MAP3K1: variants seen among roughly 807,000 people sequenced by gnomAD.
MAP3K1 encodes mitogen-activated protein kinase kinase kinase 1.
Under a neutral mutation model 144.2 loss-of-function variants are expected in MAP3K1, and 36 were observed. The observed-to-expected ratio is 0.25, with a 90% CI of 0.19 to 0.33. The LOEUF is 0.33. Ranked by LOEUF, MAP3K1 falls within the 10% of genes least tolerant of loss-of-function variation. MAP3K1 has a pLI of 1.00. For synonymous variants in MAP3K1, 718 were observed against 688.7 expected, an observed-to-expected ratio of 1.04 and a Z score of -0.67; for missense variants, 1,650 against 1,881.9, an observed-to-expected ratio of 0.88 and a Z score of 2.28.
intron 1 of MAP3K1, among the ~76,000 whole-genome samples, chr5:56,848,154 CTAG>C (rs1193377992): frequency 6.6e-6 from 1 of 151,548 alleles, no homozygotes; most frequent in Non-Finnish European, 1.5e-5. Context: ...TTGATACTGA[CTAG>C]TAGCTCTCTG....
chr5:56,843,983 A>G (rs1316954511), intron 1 of MAP3K1, among the ~76,000 whole-genome samples: 6 of 152,132 alleles, frequency 3.9e-5, no homozygotes. Flanking sequence ...GATGCTCTGC[A>G]TAAAAGGACT....
At position 56,815,680 on chromosome 5, in the gene MAP3K1, C is replaced by A. The variant is rs927520159; in HGVS notation, c.107C>A (p.Ala36Glu). The A allele has an allele frequency of 3.1e-6, 4 of 1,303,312 alleles. No individual in the cohort carries two copies. In the African/African-American group the frequency reaches 6.2e-5, roughly 20 times the overall value. 80.7% of individuals were successfully genotyped at this position (1,303,312 alleles called of 1,614,324 possible). The change falls in exon 1 of 20, where the codon GCG (alanine) becomes GAG (glutamate). Residue 36 changes from alanine to glutamate, a missense_variant. Around this residue, in one of 6 missense-constraint regions of MAP3K1, gnomAD observed 360 missense variants for 274.7 expected, o/e 1.31. Transcript: ENST00000399503. ...GGGGALKASS[A>E]PAAAAGLLRE... ...GGAGGAGCCCTCAAGGCGAGCAGCG[C>A]GCCCGCGGCTGCCGCGGGACTGCTG... is the stretch of plus-strand genomic sequence containing the variant.
At chr5:56,837,430 A>G (rs1306848959) in intron 1 of MAP3K1, among the ~76,000 whole-genome samples, 1 of 152,022 alleles carries the variant, frequency 6.6e-6, no homozygotes. Context: ...ATTTTTCCCA[A>G]GAGTGGTGTG....
In MAP3K1 at chr5:56,893,993, T is replaced by A. The variant is rs896846419; in HGVS notation, c.*313T>A. ...AATTTTATTTTTTTGGAGCACTTTTTCAGCAATATTAGCGGCTGAGGGGCT... is the reference window on the plus strand; with the variant it reads ...AATTTTATTTTTTTGGAGCACTTTTACAGCAATATTAGCGGCTGAGGGGCT... On this transcript the variant is annotated 3_prime_UTR_variant, in exon 20 of 20. Transcript: ENST00000399503. The A allele has an allele frequency of 7.0e-6, 3 of 427,694 alleles. No homozygotes were observed. Among genetic ancestry groups the A allele is most frequent in the Non-Finnish European group, 1.3e-5 (3 of 230,832 alleles). 26.5% of individuals were successfully genotyped at this position (427,694 alleles called of 1,614,324 possible).
chr5:56,881,957 A>G lies in MAP3K1; in HGVS notation c.2757A>G (p.Lys919=), dbSNP rs200375119. Residue 919 remains lysine (K), a synonymous_variant, in exon 14 of 20, where the codon AAA becomes AAG. Transcript: ENST00000399503. Reference sequence around the variant, plus strand: ...CTGGAAAAGGATTATGTGCTACAAAATTGAGTGCCAGTTCAGAGGACATTT... The same window carrying G: ...CTGGAAAAGGATTATGTGCTACAAAGTTGAGTGCCAGTTCAGAGGACATTT... ...EKTGKGLCAT[K]LSASSEDISE... 122 of 1,614,004 alleles carry G rather than the reference A, an allele frequency of 7.6e-5. No homozygotes were observed. The highest frequency in any genetic ancestry group is 1.6e-4 in the Middle Eastern group (1 of 6,084).
chr5:56,892,275 T>C (rs2111972966), intron 19 of MAP3K1, among the ~76,000 whole-genome samples: 1 of 152,336 alleles, frequency 6.6e-6, no homozygotes, highest in East Asian at 1.9e-4. Flanking sequence ...CCTAGGTATT[T>C]TATTCTCTTT....
chr5:56,861,043 GAA>G (rs1747492872), intron 3 of MAP3K1, among the ~76,000 whole-genome samples: 1 of 152,146 alleles, frequency 6.6e-6, no homozygotes, highest in Non-Finnish European at 1.5e-5. Flanking sequence ...GCTGTATAAT[GAA>G]ATATGTGAAC....
intron 1 of MAP3K1, among the ~76,000 whole-genome samples, chr5:56,841,378 A>G (rs1311023958): frequency 6.6e-6 from 1 of 152,164 alleles, no homozygotes; most frequent in Admixed American, 6.5e-5. Context: ...AATTGCTATG[A>G]TAGTGAATAT....
chr5:56,859,691 A>G (rs1330993210), intron 2 of MAP3K1, 24 bp from the exon 3 acceptor site: 1 of 1,565,482 alleles, frequency 6.4e-7, no homozygotes, highest in Admixed American at 1.7e-5. Context: ...TAAGTAATCA[A>G]AATATTGGAA....
Position 56,849,051 on chromosome 5 carries a change from A to G in MAP3K1, c.483-7549A>G, listed in dbSNP as rs188879952. On this transcript the variant is annotated intron_variant, in intron 1 of 19. Transcript: ENST00000399503. ...ATTTCTGATACAGATTCAACATACT[A>G]TAAAACTGATTTCAACCGGGTGCAG... Among the ~76,000 whole-genome samples the G allele has an allele frequency of 1.6e-3, 242 of 152,304 alleles. 1 individual carries two copies. The highest frequency in any genetic ancestry group is 3.0e-3 in the Non-Finnish European group (205 of 68,022).
chr5:56,889,112 A>T (rs1008013534), intron 19 of MAP3K1, among the ~76,000 whole-genome samples: 3 of 152,194 alleles, frequency 2.0e-5, no homozygotes, highest in African/African-American at 7.2e-5. Context: ...AAATTCATGC[A>T]TTTTACATAA....
At chr5:56,885,880 A>G (rs752683042) in intron 16 of MAP3K1, 52 bp from the exon 17 acceptor site, 90 of 1,547,192 alleles carry the variant, frequency 5.8e-5, no homozygotes, top group Non-Finnish European at 7.9e-5. Context: ...AGTGTAATAA[A>G]TACTTTTAAT....
At chr5:56,853,113 A>G (rs1747226830) in intron 1 of MAP3K1, among the ~76,000 whole-genome samples, 1 of 152,322 alleles carries the variant, frequency 6.6e-6, no homozygotes, top group East Asian at 1.9e-4. Flanking sequence ...CATTGATTCA[A>G]AGATCCCAGT....
At chr5:56,869,565 T>C (rs959704646) in intron 6 of MAP3K1, among the ~76,000 whole-genome samples, 1 of 152,198 alleles carries the variant, frequency 6.6e-6, no homozygotes, top group Non-Finnish European at 1.5e-5. Flanking sequence ...ATAGTGCATA[T>C]ATATACATAA....
rs766026413 is a variant in MAP3K1 at position 56,865,345 on chromosome 5, C to T, written c.1041C>T (p.Cys347=). 55 of 1,589,498 alleles carry T rather than the reference C, an allele frequency of 3.5e-5. No individual in the cohort carries two copies. Among genetic ancestry groups the T allele is most frequent in the Non-Finnish European group, 4.7e-5 (55 of 1,158,030 alleles). ...KYRVFIGPQN[C]SCARGTFCIH... The stretch of plus-strand genomic sequence containing the variant: ...TTTTCTTTTTAACTCTTTAGAACTG[C>T]AGCTGTGCACGTGGAACATTCTGTA... The change falls in exon 5 of 20, where the codon TGC becomes TGT. Residue 347 remains cysteine, a synonymous_variant. Transcript: ENST00000399503.
intron 19 of MAP3K1, among the ~76,000 whole-genome samples, chr5:56,891,146 A>ACC (rs1579789668): frequency 5.6e-5 from 2 of 35,712 alleles, no homozygotes; most frequent in Non-Finnish European, 1.7e-4. Flanking sequence ...AGACACACAC[A>ACC]CACCCCCCCC....
At chr5:56,844,079 C>G (rs1475512907) in intron 1 of MAP3K1, among the ~76,000 whole-genome samples, 4 of 150,906 alleles carry the variant, frequency 2.7e-5, no homozygotes, top group African/African-American at 9.8e-5. Context: ...ATTAGAGGCT[C>G]TGTGCTGTCC....
At chr5:56,834,221 T>C (rs1746577409) in intron 1 of MAP3K1, among the ~76,000 whole-genome samples, 1 of 152,208 alleles carries the variant, frequency 6.6e-6, no homozygotes, top group African/African-American at 2.4e-5. Flanking sequence ...GCTCAGCACT[T>C]GTTTATTGAC....
chr5:56,893,949 G>A lies in MAP3K1; in HGVS notation c.*269G>A, dbSNP rs1320623644. On this transcript the variant is annotated 3_prime_UTR_variant, in exon 20 of 20. Transcript: ENST00000399503. The stretch of plus-strand genomic sequence containing the variant: ...AACAGGAAAACAATGAAGTTTGCAT[G>A]ACTAAATTGCAGAAGCATAATTTTA... 8.1e-6 allele frequency: 4 copies of A among 492,440 alleles called. No homozygotes were observed. Among genetic ancestry groups the A allele is most frequent in the African/African-American group, 7.7e-5 (4 of 52,242 alleles). 30.5% of individuals were successfully genotyped at this position (492,440 alleles called of 1,614,324 possible). A position where few individuals can be genotyped will look rare whatever the true frequency, so the allele number is the denominator to read the frequency against.
Sources: gnomAD v4.1 joint callset for allele counts (sites outside exome capture counted in the v4.1 genomes callset) on GRCh38, gnomAD v4.1.1 for gene constraint, gnomAD v4.1.1 regional missense constraint, MANE v1.5 for transcripts, NCBI Gene and HGNC (gene_info 2026-07-23, HGNC 2026-07-21) for gene names.